Variants in ADCY2 observed in about 807,000 individuals in gnomAD.
ADCY2 encodes adenylate cyclase 2, also known as adenylate cyclase type 2.
In ADCY2, 31 loss-of-function variants were observed where a neutral mutation model predicts 125.2. That is an observed-to-expected ratio of 0.25 (90% CI 0.19 to 0.33). The LOEUF is 0.33. ADCY2 is among the 10% of genes least tolerant of loss of function. The pLI is 1.00. For synonymous variants in ADCY2, 512 were observed against 548.4 expected (o/e 0.93, Z 0.93); for missense variants, 904 against 1,418.2 (o/e 0.64, Z 5.82).
At chr5:7,598,788 C>T (rs1048163619) in intron 3 of ADCY2, among the ~76,000 whole-genome samples, 3 of 152,184 alleles carry the variant, frequency 2.0e-5, no homozygotes, top group Non-Finnish European at 4.4e-5. Flanking sequence ...GCCACTGCAT[C>T]GTCTCCCCTC....
intron 3 of ADCY2, among the ~76,000 whole-genome samples, chr5:7,572,082 A>G (rs1428114987): frequency 1.3e-5 from 2 of 152,136 alleles, no homozygotes; most frequent in South Asian, 2.1e-4. Flanking sequence ...GCTCTTGTCA[A>G]TAGTGCTGCA....
chr5:7,532,975 T>C (rs2126548704), intron 3 of ADCY2, among the ~76,000 whole-genome samples: 1 of 151,138 alleles, frequency 6.6e-6, no homozygotes, highest in South Asian at 2.1e-4. Flanking sequence ...TATATACACA[T>C]TTATATGTAA....
chr5:7,520,461 G>A (rs767392848), intron 2 of ADCY2, among the ~76,000 whole-genome samples: 23 of 152,176 alleles, frequency 1.5e-4, no homozygotes, highest in Non-Finnish European at 1.5e-5. Flanking sequence ...AACCCTGATA[G>A]TTTAGGACCA....
Position 7,828,503 on chromosome 5 carries a change from TG to T in ADCY2, c.*1633del, listed in dbSNP as rs1204146347. The T allele has an allele frequency of 6.6e-6, 1 of 152,272 alleles. No individual in the cohort carries two copies. The highest frequency in any genetic ancestry group is 1.5e-5 in the Non-Finnish European group (1 of 68,044). 9.4% of individuals were successfully genotyped at this position (152,272 alleles called of 1,614,324 possible). A position where few individuals can be genotyped will look rare whatever the true frequency, so the allele number is the denominator to read the frequency against. Reference sequence around the variant, plus strand: ...ACATTCACAGCACGGGCACAGCTGCTGTGCCAGGACTGTGACTCATTCCCAG... The same window carrying T: ...ACATTCACAGCACGGGCACAGCTGCTTGCCAGGACTGTGACTCATTCCCAG... On this transcript the variant is annotated 3_prime_UTR_variant, in exon 25 of 25. Coordinates refer to ENST00000338316, the MANE Select transcript of ADCY2 (RefSeq NM_020546.3).
chr5:7,698,139 A>G, intron 6 of ADCY2, 108 bp from the exon 7 acceptor site: 1 of 1,361,792 alleles, frequency 7.3e-7, no homozygotes. Flanking sequence ...CTCTCTCCAG[A>G]TGCCCCTGGA....
At chr5:7,825,774 C>A (rs1745457173) in intron 24 of ADCY2, among the ~76,000 whole-genome samples, 1 of 152,180 alleles carries the variant, frequency 6.6e-6, no homozygotes, top group African/African-American at 2.4e-5. Context: ...CTCAGGCAGC[C>A]CAAGCCCAGG....
At chr5:7,484,453 C>G (rs1742851108) in intron 2 of ADCY2, among the ~76,000 whole-genome samples, 1 of 152,158 alleles carries the variant, frequency 6.6e-6, no homozygotes, top group African/African-American at 2.4e-5. Flanking sequence ...GAATGGAGCA[C>G]TGCTGCAGAG....
chr5:7,458,478 C>T (rs751397869), intron 2 of ADCY2, among the ~76,000 whole-genome samples: 2 of 152,096 alleles, frequency 1.3e-5, no homozygotes, highest in East Asian at 1.9e-4. Context: ...TAGAGATGCT[C>T]TTTTATTTTT....
At chr5:7,447,283 G>T (rs112540078) in intron 2 of ADCY2, among the ~76,000 whole-genome samples, 2,904 of 152,252 alleles carry the variant, frequency 0.019, 101 homozygotes, top group African/African-American at 0.066. Flanking sequence ...GGCCTGGACG[G>T]CCCTGCACAC....
intron 4 of ADCY2, among the ~76,000 whole-genome samples, chr5:7,680,083 A>G (rs748357216): frequency 4.6e-5 from 7 of 152,096 alleles, no homozygotes; most frequent in African/African-American, 7.2e-5. Flanking sequence ...GTATAGGGGA[A>G]ATTAGTTAGG....
chr5:7,667,761 A>G (rs1244065591), intron 4 of ADCY2, among the ~76,000 whole-genome samples: 1 of 152,240 alleles, frequency 6.6e-6, no homozygotes, highest in Non-Finnish European at 1.5e-5. Context: ...AGGATATTGA[A>G]AGTGAAAGCA....
At chr5:7,643,350 C>G (rs987849512) in intron 4 of ADCY2, among the ~76,000 whole-genome samples, 5 of 152,052 alleles carry the variant, frequency 3.3e-5, no homozygotes, top group African/African-American at 1.2e-4. Flanking sequence ...TCCAGACACT[C>G]AGTAAATTCT....
intron 19 of ADCY2, among the ~76,000 whole-genome samples, chr5:7,788,938 C>G (rs1744167503): frequency 6.6e-6 from 1 of 152,180 alleles, no homozygotes; most frequent in African/African-American, 2.4e-5. Context: ...TGCCAAGACC[C>G]AAAAGACTCT....
intron 15 of ADCY2, among the ~76,000 whole-genome samples, chr5:7,755,546 C>A (rs1742966519): frequency 6.6e-6 from 1 of 152,162 alleles, no homozygotes; most frequent in Non-Finnish European, 1.5e-5. Flanking sequence ...ACAGGAAGAG[C>A]TAACACTTGT....
At chr5:7,662,423 G>A (rs138237169) in intron 4 of ADCY2, among the ~76,000 whole-genome samples, 70 of 152,260 alleles carry the variant, frequency 4.6e-4, no homozygotes, top group Non-Finnish European at 8.5e-4. Flanking sequence ...CCCCCTCCAC[G>A]GCATAGTGGC....
chr5:7,805,980 A>G (rs1744749661), intron 22 of ADCY2, among the ~76,000 whole-genome samples: 1 of 152,210 alleles, frequency 6.6e-6, no homozygotes, highest in Non-Finnish European at 1.5e-5. Context: ...TAAAAGAAAC[A>G]AGCCATAAAA....
rs1560968196 is a variant in ADCY2, at chr5:7,766,768, G to A, written c.2176G>A (p.Val726Met). The change falls in exon 17 of 25, where the codon GTG becomes ATG. Residue 726 changes from valine (V) to methionine (M), a missense_variant. Physicochemically the swap from Val to Met is conservative, Grantham distance 21. Transcript: ENST00000338316. ...AAGCTTTTCAGCCTCAAATAATCAG[G>A]TGGCGATTCTGCGTGCGCAGAATTT... ...NTSFSASNNQ[V>M]AILRAQNLFF... 9.3e-6 allele frequency: 15 copies of A among 1,611,524 alleles called. No homozygotes were observed. The highest frequency in any genetic ancestry group is 1.7e-5 in the Admixed American group (1 of 59,198).
chr5:7,667,074 C>T (rs891962644), intron 4 of ADCY2, among the ~76,000 whole-genome samples: 11 of 152,176 alleles, frequency 7.2e-5, no homozygotes, highest in Admixed American at 2.0e-4. Flanking sequence ...GGATGAAGAA[C>T]GGCAAGACTC....
At chr5:7,418,564 C>T (rs906917189) in intron 2 of ADCY2, among the ~76,000 whole-genome samples, 4 of 151,888 alleles carry the variant, frequency 2.6e-5, no homozygotes, top group Non-Finnish European at 5.9e-5. Flanking sequence ...AGTCTGAAGT[C>T]CTGCCCAACA....
Sources: allele counts gnomAD v4.1 joint callset (sites outside exome capture counted in the v4.1 genomes callset), GRCh38; gene constraint gnomAD v4.1.1; transcripts MANE v1.5; gene names NCBI Gene and HGNC (gene_info 2026-07-23, HGNC 2026-07-21).